Variants in UBE4B observed in about 807,000 individuals in gnomAD.
UBE4B encodes ubiquitination factor E4B, also known as ubiquitin conjugation factor E4 B.
UBE4B carries 27 observed loss-of-function variants against 148.1 expected under a neutral mutation model. That is an observed-to-expected ratio of 0.18 (90% CI 0.13 to 0.25). The LOEUF (loss-of-function observed/expected upper bound fraction) is 0.25, where lower values mean the gene tolerates loss of function less well. UBE4B is among the 10% of genes least tolerant of loss of function. The pLI is 1.00. For synonymous variants in UBE4B, 596 were observed against 619.3 expected (o/e 0.96, Z 0.56); for missense variants, 1,170 against 1,662.4 (o/e 0.70, Z 5.15).
chr1:10,165,785 G>A (rs1404531373), intron 23 of UBE4B, among the ~76,000 whole-genome samples: 1 of 152,070 alleles, frequency 6.6e-6, no homozygotes, highest in Non-Finnish European at 1.5e-5. Flanking sequence ...TTCCAGAATA[G>A]CATTCCCTGA....
chr1:10,121,584 G>A (rs967306798), intron 9 of UBE4B, among the ~76,000 whole-genome samples: 1 of 151,946 alleles, frequency 6.6e-6, no homozygotes, highest in Admixed American at 6.6e-5. Flanking sequence ...TGTAGAGACA[G>A]AGTCTTGCTG....
At chr1:10,038,594 C>T (rs1643632978) in intron 1 of UBE4B, among the ~76,000 whole-genome samples, 1 of 152,176 alleles carries the variant, frequency 6.6e-6, no homozygotes, top group South Asian at 2.1e-4. Context: ...ACTCGAAAGT[C>T]CTCTTTATTC....
At chr1:10,060,979 C>T (rs1040675041) in intron 1 of UBE4B, among the ~76,000 whole-genome samples, 1 of 152,106 alleles carries the variant, frequency 6.6e-6, no homozygotes, top group Non-Finnish European at 1.5e-5. Flanking sequence ...CTCCTGGCCT[C>T]AAATGATCCT....
intron 1 of UBE4B, among the ~76,000 whole-genome samples, chr1:10,067,077 G>A (rs989063834): frequency 4.6e-5 from 7 of 152,018 alleles, no homozygotes; most frequent in African/African-American, 1.7e-4. Flanking sequence ...ACAGTGTTTT[G>A]TGGGTGTTTT....
chr1:10,084,550 A>G lies in UBE4B; in HGVS notation c.212-10911A>G, dbSNP rs543619899. Among the ~76,000 whole-genome samples the G allele has an allele frequency of 9.9e-5, 15 of 151,874 alleles. No individual in the cohort carries two copies. The East Asian group carries it at 2.1e-3, about 22-fold the overall frequency. On this transcript the variant is annotated intron_variant, in intron 2 of 27. Coordinates refer to ENST00000343090, the MANE Select transcript of UBE4B (RefSeq NM_001105562.3). ...TTCCAAACTAGATTGAAAGCTCTGA[A>G]AAAAAAAACTATCTTGTGTTTCTAT...
intron 3 of UBE4B, among the ~76,000 whole-genome samples, chr1:10,098,386 G>A (rs1003708639): frequency 6.6e-6 from 1 of 152,092 alleles, no homozygotes; most frequent in African/African-American, 2.4e-5. Context: ...GAACAGAAAG[G>A]AGTATCTTTA....
At chr1:10,118,833 T>C (rs544565478) in intron 8 of UBE4B, among the ~76,000 whole-genome samples, 8 of 142,780 alleles carry the variant, frequency 5.6e-5, no homozygotes, top group African/African-American at 1.5e-4. Context: ...TTTTTTTTAG[T>C]GGAGATGGGG....
At chr1:10,072,999 G>A (rs1644515172) in intron 2 of UBE4B, 1 of 152,644 alleles carries the variant, frequency 6.6e-6, no homozygotes, top group Non-Finnish European at 1.5e-5. Context: ...TATTTGCAGA[G>A]TTTTTGTTGC....
chr1:10,132,226 A>G (rs1645608569), intron 14 of UBE4B, 143 bp from the exon 15 acceptor site: 5 of 615,126 alleles, frequency 8.1e-6, no homozygotes, highest in Non-Finnish European at 1.4e-5. Flanking sequence ...TATTTCTTAT[A>G]TTCTTTCACT....
intron 2 of UBE4B, 149 bp downstream of exon 2, chr1:10,072,363 A>G: frequency 1.1e-6 from 1 of 939,810 alleles, no homozygotes; most frequent in Non-Finnish European, 1.6e-6. Context: ...TATCATTGCA[A>G]TGTGTTGTGT....
intron 16 of UBE4B, 78 bp downstream of exon 16, chr1:10,135,264 AC>A: frequency 7.4e-7 from 1 of 1,344,108 alleles, no homozygotes; most frequent in East Asian, 2.5e-5. Context: ...ACAGATTGTT[AC>A]CACCTCACCA....
chr1:10,101,955 A>G (rs78539482), intron 4 of UBE4B, among the ~76,000 whole-genome samples: 2,611 of 151,372 alleles, frequency 0.017, 33 homozygotes, highest in Non-Finnish European at 0.027. Context: ...ATATCACCTG[A>G]GCTTAGTGCT....
chr1:10,044,406 C>T (rs1297719305), intron 1 of UBE4B, among the ~76,000 whole-genome samples: 1 of 151,796 alleles, frequency 6.6e-6, no homozygotes, highest in East Asian at 1.9e-4. Flanking sequence ...GGCAGTGGTC[C>T]CCAACCTTTT....
Position 10,082,624 on chromosome 1 carries a change from G to C in UBE4B, c.211+10410G>C, listed in dbSNP as rs549562102. 1.0e-3 allele frequency among the ~76,000 whole-genome samples: 146 copies of C among 142,898 alleles called. 1 individual carries two copies. The highest frequency in any genetic ancestry group is 3.6e-3 in the African/African-American group (141 of 39,068). 93.7% of individuals were successfully genotyped at this position (142,898 alleles called of 152,430 possible). On this transcript the variant is annotated intron_variant, in intron 2 of 27. Coordinates refer to ENST00000343090, the MANE Select transcript of UBE4B (RefSeq NM_001105562.3). ...ACATAATCACTGTAGGTCCTATTAA[G>C]AAGGCGACTTTTTTTTTTTTTTTTT... is the stretch of plus-strand genomic sequence containing the variant.
chr1:10,056,567 T>C (rs1644173164), intron 1 of UBE4B, among the ~76,000 whole-genome samples: 1 of 152,208 alleles, frequency 6.6e-6, no homozygotes, highest in Non-Finnish European at 1.5e-5. Context: ...AAATACATAC[T>C]AATTCTAGTT....
At chr1:10,045,285 C>T (rs1023759311) in intron 1 of UBE4B, among the ~76,000 whole-genome samples, 1 of 152,114 alleles carries the variant, frequency 6.6e-6, no homozygotes, top group Non-Finnish European at 1.5e-5. Flanking sequence ...TCAGAGAGGC[C>T]GAAATCCATA....
At position 10,168,312 on chromosome 1, in the gene UBE4B, A is replaced by C. The variant is rs757437020; in HGVS notation, c.3333+42A>C. 26 of 1,605,240 alleles carry C rather than the reference A, an allele frequency of 1.6e-5. No homozygotes were observed. The highest frequency in any genetic ancestry group is 2.6e-6 in the Non-Finnish European group (3 of 1,175,470). ...GGCTCTGTTTGGTGGTTTGGACTCCACATTCAGACTCTCTCACTTATAACT... is the reference window on the plus strand; with the variant it reads ...GGCTCTGTTTGGTGGTTTGGACTCCCCATTCAGACTCTCTCACTTATAACT... On this transcript the variant is annotated intron_variant, in intron 24 of 27. Transcript: ENST00000343090. The surrounding 1 kb of genome is among the most constrained non-coding windows in gnomAD (Gnocchi z 4.9).
intron 17 of UBE4B, among the ~76,000 whole-genome samples, chr1:10,142,546 A>G (rs1557591407): frequency 6.6e-6 from 1 of 151,736 alleles, no homozygotes; most frequent in Non-Finnish European, 1.5e-5. Context: ...TAGTGCATGC[A>G]TGTAGTCCCA....
At chr1:10,059,911 G>T (rs1225511605) in intron 1 of UBE4B, among the ~76,000 whole-genome samples, 1 of 152,096 alleles carries the variant, frequency 6.6e-6, no homozygotes, top group East Asian at 1.9e-4. Flanking sequence ...GAGCTGAGGG[G>T]TGGCAACTCT....
Sources: gnomAD v4.1 joint callset for allele counts (sites outside exome capture counted in the v4.1 genomes callset) on GRCh38, gnomAD v4.1.1 for gene constraint, Gnocchi (gnomAD v3.1) non-coding constraint, MANE v1.5 for transcripts, NCBI Gene and HGNC (gene_info 2026-07-23, HGNC 2026-07-21) for gene names.